The following XIRP2 variants were observed in gnomAD, a reference collection of about 807,000 sequenced individuals.
XIRP2 encodes xin actin-binding repeat-containing protein 2.
Under a neutral mutation model 277.0 loss-of-function variants are expected in XIRP2, and 236 were observed. The ratio of observed to expected loss-of-function variants is 0.85; its 90% confidence interval spans 0.77 to 0.95. The LOEUF (loss-of-function observed/expected upper bound fraction) is 0.95, where lower values mean the gene tolerates loss of function less well. XIRP2 is among the 40% of genes least tolerant of loss of function. The pLI, the probability that XIRP2 is intolerant of heterozygous loss-of-function variation, is 0.00. For missense variants in XIRP2, 4,640 were observed against 4,157.5 expected, an observed-to-expected ratio of 1.12 and a Z score of -3.19; for synonymous variants, 1,490 against 1,416.5, an observed-to-expected ratio of 1.05 and a Z score of -1.17.
intron 2 of XIRP2, among the ~76,000 whole-genome samples, 184 bp downstream of exon 2, chr2:166,904,074 T>A (rs961624122): frequency 1.2e-4 from 18 of 152,130 alleles, no homozygotes; most frequent in African/African-American, 3.4e-4. Context: ...TCTGCTTCAA[T>A]GTGGACTTGA....
intron 3 of XIRP2, among the ~76,000 whole-genome samples, chr2:167,170,723 G>A (rs1040699177): frequency 6.6e-6 from 1 of 151,796 alleles, no homozygotes; most frequent in African/African-American, 2.4e-5. Flanking sequence ...CTAGACGTTA[G>A]CAATTTTATT....
chr2:167,142,571 T>TA (rs879622825), intron 3 of XIRP2, among the ~76,000 whole-genome samples: 12 of 149,212 alleles, frequency 8.0e-5, no homozygotes, highest in Middle Eastern at 3.4e-3. Context: ...AATAAAAAAA[T>TA]AAAAAAAAAG....
intron 3 of XIRP2, among the ~76,000 whole-genome samples, chr2:167,170,158 T>A (rs908570193): frequency 2.0e-5 from 3 of 152,170 alleles, no homozygotes; most frequent in Non-Finnish European, 2.9e-5. Flanking sequence ...AAAGAACTTT[T>A]AAAAATTTTT....
At chr2:166,912,061 T>C (rs1362258982) in intron 2 of XIRP2, among the ~76,000 whole-genome samples, 1 of 152,228 alleles carries the variant, frequency 6.6e-6, no homozygotes, top group African/African-American at 2.4e-5. Flanking sequence ...CATTTCGACT[T>C]TGGTGAATCT....
At chr2:167,227,600 A>G (rs1246591501) in intron 5 of XIRP2, among the ~76,000 whole-genome samples, 1 of 152,030 alleles carries the variant, frequency 6.6e-6, no homozygotes, top group African/African-American at 2.4e-5. Flanking sequence ...CCAGCTACTC[A>G]GGAGGCTGAG....
chr2:166,961,741 T>C (rs562321282), intron 2 of XIRP2, among the ~76,000 whole-genome samples: 45 of 151,926 alleles, frequency 3.0e-4, no homozygotes, highest in African/African-American at 1.0e-3. Flanking sequence ...CTTAAAATTA[T>C]ATTTTTTACC....
intron 3 of XIRP2, among the ~76,000 whole-genome samples, chr2:167,151,415 C>A (rs567796546): frequency 6.6e-6 from 1 of 152,170 alleles, no homozygotes; most frequent in South Asian, 2.1e-4. Flanking sequence ...CACAACATAT[C>A]CATGTAACAA....
chr2:167,201,014 T>A (rs892751262), intron 3 of XIRP2, among the ~76,000 whole-genome samples: 1 of 151,588 alleles, frequency 6.6e-6, no homozygotes, highest in Non-Finnish European at 1.5e-5. Flanking sequence ...TAATCCCAGC[T>A]ACTAGGGAGG....
chr2:167,181,906 C>G (rs935224930), intron 3 of XIRP2, among the ~76,000 whole-genome samples: 1 of 152,110 alleles, frequency 6.6e-6, no homozygotes, highest in Admixed American at 6.6e-5. Context: ...TCCCCTGGAC[C>G]ATCCCAGCTT....
At chr2:167,086,523 T>C (rs1382989672) in intron 2 of XIRP2, among the ~76,000 whole-genome samples, 452 of 151,614 alleles carry the variant, frequency 3.0e-3, no homozygotes, top group Non-Finnish European at 3.8e-3. Context: ...TCCTGGATAA[T>C]ATCCTGCAGA....
chr2:167,222,266 G>A (rs771295989), intron 5 of XIRP2, among the ~76,000 whole-genome samples: 4 of 152,138 alleles, frequency 2.6e-5, no homozygotes, highest in Non-Finnish European at 5.9e-5. Flanking sequence ...AGTTCTGCCT[G>A]TTAAACAGTT....
intron 1 of XIRP2, among the ~76,000 whole-genome samples, chr2:166,901,641 C>A (rs1397331628): frequency 6.6e-6 from 1 of 152,040 alleles, no homozygotes; most frequent in African/African-American, 2.4e-5. Context: ...CTCAACCATT[C>A]CCATGTTAAT....
intron 2 of XIRP2, among the ~76,000 whole-genome samples, chr2:167,031,142 A>G (rs939159614): frequency 6.6e-6 from 1 of 151,768 alleles, no homozygotes; most frequent in African/African-American, 2.4e-5. Context: ...TCTTGACTCT[A>G]TCCAATTTGC....
chr2:167,045,417 T>C (rs1010539697), intron 2 of XIRP2, among the ~76,000 whole-genome samples: 4 of 151,964 alleles, frequency 2.6e-5, no homozygotes, highest in African/African-American at 7.2e-5. Context: ...CTAATTAAAC[T>C]AAAGAGTTCT....
At chr2:167,033,809 A>T (rs1688432027) in intron 2 of XIRP2, among the ~76,000 whole-genome samples, 1 of 152,282 alleles carries the variant, frequency 6.6e-6, no homozygotes, top group Non-Finnish European at 1.5e-5. Flanking sequence ...AGAAAAATAG[A>T]TTTTCTCAGA....
chr2:167,110,950 A>T (rs934394015), intron 2 of XIRP2, among the ~76,000 whole-genome samples: 2 of 152,124 alleles, frequency 1.3e-5, no homozygotes, highest in African/African-American at 2.4e-5. Flanking sequence ...ATAGGATTGC[A>T]TTCCTGATTT....
chr2:167,000,176 C>T (rs1249531893), intron 2 of XIRP2, among the ~76,000 whole-genome samples: 4 of 152,078 alleles, frequency 2.6e-5, no homozygotes, highest in African/African-American at 9.7e-5. Flanking sequence ...GAGAACATAT[C>T]ACTGATGAAA....
rs1695259187 is a variant in XIRP2, at chr2:167,246,265, A to G, written c.4873A>G (p.Ile1625Val). Residue 1625 changes from isoleucine (I) to valine (V), a missense_variant, in exon 9 of 11, where the codon ATT becomes GTT. Ile to Val is a conservative substitution (Grantham distance 29). Transcript: ENST00000409195. ...GGACTGTACTGAAAGAGAGATTTTGATTAGTGAAGAAGAGAAGGGAAATGT... is the reference window on the plus strand; with the variant it reads ...GGACTGTACTGAAAGAGAGATTTTGGTTAGTGAAGAAGAGAAGGGAAATGT... ...KRDCTEREIL[I>V]SEEEKGNVNL... 1 of 1,613,462 alleles carries G rather than the reference A, an allele frequency of 6.2e-7. No individual in the cohort carries two copies. The highest frequency in any genetic ancestry group is 8.5e-7 in the Non-Finnish European group (1 of 1,179,696).
chr2:167,021,517 AT>A (rs1216102237), intron 2 of XIRP2, among the ~76,000 whole-genome samples: 1 of 152,112 alleles, frequency 6.6e-6, no homozygotes, highest in Non-Finnish European at 1.5e-5. Context: ...TTTTTTAAAA[AT>A]ATGGGTGATT....
Sources: gnomAD v4.1 joint callset for allele counts (sites outside exome capture counted in the v4.1 genomes callset) on GRCh38, gnomAD v4.1.1 for gene constraint, MANE v1.5 for transcripts, NCBI Gene and HGNC (gene_info 2026-07-23, HGNC 2026-07-21) for gene names.